The following NRXN3 variants were observed in gnomAD, a reference collection of about 807,000 sequenced individuals.
The protein encoded by NRXN3 is neurexin III.
Under a neutral mutation model 137.6 loss-of-function variants are expected in NRXN3, and 32 were observed. The observed-to-expected ratio is 0.23, with a 90% confidence interval of 0.18 to 0.31. NRXN3 has a LOEUF of 0.31. NRXN3 is among the 10% of genes least tolerant of loss of function. NRXN3 has a pLI of 1.00. For synonymous variants in NRXN3, 798 were observed against 784.5 expected (o/e 1.02, Z -0.29); for missense variants, 1,574 against 2,062.5 (o/e 0.76, Z 4.59).
intron 19 of NRXN3, among the ~76,000 whole-genome samples, chr14:79,795,060 T>C (rs1051570581): frequency 1.3e-5 from 2 of 152,336 alleles, no homozygotes; most frequent in African/African-American, 4.8e-5. Context: ...ATGGATCTCA[T>C]GCCTGTGATT....
At chr14:78,668,667 A>G (rs1602160401) in intron 6 of NRXN3, among the ~76,000 whole-genome samples, 1 of 151,998 alleles carries the variant, frequency 6.6e-6, no homozygotes. Flanking sequence ...CGAAGCTGAG[A>G]CTCTCTGGAC....
chr14:79,023,151 A>G (rs2099592504), intron 15 of NRXN3, among the ~76,000 whole-genome samples: 1 of 145,980 alleles, frequency 6.9e-6, no homozygotes, highest in Non-Finnish European at 1.5e-5. Flanking sequence ...CCAGGGTGAC[A>G]TTATCTGGGT....
intron 15 of NRXN3, among the ~76,000 whole-genome samples, chr14:79,326,049 A>T (rs2090813501): frequency 6.6e-6 from 1 of 152,242 alleles, no homozygotes; most frequent in African/African-American, 2.4e-5. Flanking sequence ...AGATAAAAGC[A>T]GCTGCCTTTC....
chr14:79,817,720 G>A (rs905511382), intron 20 of NRXN3, among the ~76,000 whole-genome samples: 1 of 152,088 alleles, frequency 6.6e-6, no homozygotes, highest in Non-Finnish European at 1.5e-5. Context: ...TGTCTCTTAC[G>A]TAGCGCTTAT....
chr14:78,891,027 A>G (rs2099157405), intron 10 of NRXN3, among the ~76,000 whole-genome samples: 1 of 152,008 alleles, frequency 6.6e-6, no homozygotes, highest in South Asian at 2.1e-4. Flanking sequence ...ATAAAAGTTT[A>G]CAATATTAAC....
chr14:78,399,892 C>T (rs1412978780), intron 4 of NRXN3, among the ~76,000 whole-genome samples: 1 of 152,112 alleles, frequency 6.6e-6, no homozygotes, highest in Non-Finnish European at 1.5e-5. Flanking sequence ...CAGAGAGGCC[C>T]CTCCCTCAAG....
In NRXN3 at chr14:79,395,024, AT is replaced by A. The variant is rs555624743; in HGVS notation, c.3263-72194del. ...CCTGTTATTTAGTGTTTATCATAGA[AT>A]TTAGCTTTAGCCTCAATTTCATTTT... On this transcript the variant is annotated intron_variant, in intron 15 of 20. Transcript: ENST00000335750. 2.7e-3 allele frequency among the ~76,000 whole-genome samples: 407 copies of A among 152,306 alleles called. 3 individuals carry two copies. Among genetic ancestry groups the A allele is most frequent in the Non-Finnish European group, 4.5e-3 (305 of 68,026 alleles).
intron 10 of NRXN3, among the ~76,000 whole-genome samples, chr14:78,895,794 A>G (rs2099172193): frequency 6.6e-6 from 1 of 151,832 alleles, no homozygotes. Flanking sequence ...TTTCTATATT[A>G]TTGTGTCTCA....
chr14:79,148,537 G>T (rs1470483298), intron 15 of NRXN3, among the ~76,000 whole-genome samples: 1 of 152,108 alleles, frequency 6.6e-6, no homozygotes, highest in Admixed American at 6.5e-5. Flanking sequence ...GCAGAACCCA[G>T]TCCCTTGTCC....
intron 15 of NRXN3, among the ~76,000 whole-genome samples, chr14:79,003,818 C>T (rs1363326217): frequency 1.3e-5 from 2 of 152,124 alleles, no homozygotes; most frequent in South Asian, 4.2e-4. Context: ...AGCTGCCGAA[C>T]ATTAGGGGAT....
chr14:79,205,936 C>T (rs543254616), intron 15 of NRXN3, among the ~76,000 whole-genome samples: 1 of 152,184 alleles, frequency 6.6e-6, no homozygotes, highest in African/African-American at 2.4e-5. Flanking sequence ...TTTGGTACCT[C>T]ATCATTGTAG....
intron 4 of NRXN3, among the ~76,000 whole-genome samples, chr14:78,364,401 G>A (rs1567371494): frequency 6.6e-6 from 1 of 152,152 alleles, no homozygotes; most frequent in Non-Finnish European, 1.5e-5. Context: ...AGCACCTGCT[G>A]AACAACAGTT....
intron 16 of NRXN3, among the ~76,000 whole-genome samples, chr14:79,621,151 G>T (rs1463980246): frequency 3.9e-5 from 6 of 152,084 alleles, no homozygotes; most frequent in Admixed American, 2.6e-4. Flanking sequence ...GTATTTTTGT[G>T]AATAAACTGA....
rs183931224 is a variant in NRXN3, at chr14:78,710,011, A to G, written c.1660+356A>G. On this transcript the variant is annotated intron_variant, in intron 7 of 20. Coordinates refer to ENST00000335750, the MANE Select transcript of NRXN3 (RefSeq NM_001330195.2). ...TTCTTTGCTTCTCTTTTTCCTCATC[A>G]CCATGGAAACCGATTGTGACATCAC... 59 of 233,476 alleles carry G rather than the reference A, an allele frequency of 2.5e-4. No individual in the cohort carries two copies. In the East Asian group the frequency reaches 6.2e-3, roughly 25 times the overall value. 14.5% of individuals were successfully genotyped at this position (233,476 alleles called of 1,614,324 possible).
intron 17 of NRXN3, among the ~76,000 whole-genome samples, chr14:79,667,491 A>T (rs918160434): frequency 6.6e-6 from 1 of 152,082 alleles, no homozygotes; most frequent in African/African-American, 2.4e-5. Context: ...CTCTACTGAA[A>T]CATCCCACCG....
At chr14:78,903,616 T>C (rs1287602794) in intron 10 of NRXN3, among the ~76,000 whole-genome samples, 1 of 152,106 alleles carries the variant, frequency 6.6e-6, no homozygotes, top group Non-Finnish European at 1.5e-5. Context: ...AGTAGCTTTT[T>C]ATTAGGACTT....
chr14:78,375,655 G>A lies in NRXN3; in HGVS notation c.757+77795G>A, dbSNP rs569219913. 3.9e-5 allele frequency among the ~76,000 whole-genome samples: 6 copies of A among 152,306 alleles called. No individual in the cohort carries two copies. The South Asian group carries it at 1.2e-3, about 32-fold the overall frequency. On this transcript the variant is annotated intron_variant, in intron 4 of 20. Coordinates refer to ENST00000335750, the MANE Select transcript of NRXN3 (RefSeq NM_001330195.2). ...TGTTTTCAGGTAAATGTTAAGTGCT[G>A]TGAAGAAAAATACAATGAATGTATA...
At chr14:78,481,320 A>G (rs2095470239) in intron 4 of NRXN3, among the ~76,000 whole-genome samples, 1 of 152,206 alleles carries the variant, frequency 6.6e-6, no homozygotes. Context: ...TTAACTGTCC[A>G]CTGTTTTGAA....
chr14:79,031,835 A>G (rs571348670), intron 15 of NRXN3, among the ~76,000 whole-genome samples: 1 of 152,174 alleles, frequency 6.6e-6, no homozygotes, highest in Non-Finnish European at 1.5e-5. Context: ...TAAATTAATC[A>G]AATTATCTCC....
Sources: allele counts gnomAD v4.1 joint callset (sites outside exome capture counted in the v4.1 genomes callset), GRCh38; gene constraint gnomAD v4.1.1; transcripts MANE v1.5; gene names NCBI Gene and HGNC (gene_info 2026-07-23, HGNC 2026-07-21).